AGAP1: variants seen among roughly 807,000 people sequenced by gnomAD.
The protein encoded by AGAP1 is arf-GAP with GTPase, ANK repeat and PH domain-containing protein 1.
In AGAP1, 29 loss-of-function variants were observed where a neutral mutation model predicts 105.3. That is an observed-to-expected ratio of 0.28 (90% CI 0.21 to 0.38). The LOEUF (loss-of-function observed/expected upper bound fraction) is 0.38. Among genes scored for constraint, AGAP1 ranks in the 10% least tolerant of loss-of-function variants. The probability of loss-of-function intolerance (pLI) is 1.00; values close to 1 mark genes in which losing one functional copy is unlikely to be tolerated. For missense variants in AGAP1, 998 were observed against 1,165.1 expected, an observed-to-expected ratio of 0.86 and a Z score of 2.09; for synonymous variants, 509 against 485.9, an observed-to-expected ratio of 1.05 and a Z score of -0.63.
Position 235,887,312 on chromosome 2 carries a change from T to C in AGAP1, c.1155+3863T>C, listed in dbSNP as rs895693020. The stretch of plus-strand genomic sequence containing the variant: ...TGGGTTTCAGAGTCATTATTGTTGC[T>C]CCTAACTCTATTACTGACCACAGCG... On this transcript the variant is annotated intron_variant, in intron 10 of 17. Coordinates refer to ENST00000304032, the MANE Select transcript of AGAP1 (RefSeq NM_001037131.3). This position sits in a 1 kb window ranked among gnomAD's most constrained non-coding sequence, Gnocchi z 4.1. Among the ~76,000 whole-genome samples, 8 of 152,024 alleles carry C rather than the reference T, an allele frequency of 5.3e-5. No homozygotes were observed. The highest frequency in any genetic ancestry group is 1.9e-4 in the African/African-American group (8 of 41,370).
At chr2:235,627,632 C>G (rs1409625923) in intron 1 of AGAP1, among the ~76,000 whole-genome samples, 1 of 152,094 alleles carries the variant, frequency 6.6e-6, no homozygotes, top group Admixed American at 6.5e-5. Flanking sequence ...TGAGGTGAAG[C>G]AGCAGCATCT....
rs142931670 is a variant in AGAP1 at position 235,659,249 on chromosome 2, C to T, written c.164-49930C>T. 1.6e-4 allele frequency among the ~76,000 whole-genome samples: 25 copies of T among 152,304 alleles called. 1 individual carries two copies. Among genetic ancestry groups the T allele is most frequent in the African/African-American group, 5.1e-4 (21 of 41,568 alleles). On this transcript the variant is annotated intron_variant, in intron 1 of 17. Transcript: ENST00000304032. The surrounding 1 kb of genome is among the most constrained non-coding windows in gnomAD (Gnocchi z 5.0). ...AGGGACCTTTTTAACCTGTGACTGA[C>T]TTTTTATGTCTTTCTATGTCTGTAA...
chr2:235,817,890 C>CA (rs1026685746), intron 9 of AGAP1, among the ~76,000 whole-genome samples: 12 of 151,654 alleles, frequency 7.9e-5, no homozygotes, highest in South Asian at 4.2e-4. Context: ...GACTCTGTCT[C>CA]AAAAAAAAGA....
intron 1 of AGAP1, among the ~76,000 whole-genome samples, chr2:235,507,777 A>G (rs766785401): frequency 6.6e-6 from 1 of 152,098 alleles, no homozygotes; most frequent in Non-Finnish European, 1.5e-5. Flanking sequence ...GGACCCGTGG[A>G]CACCAGCCAC....
intron 1 of AGAP1, among the ~76,000 whole-genome samples, chr2:235,511,239 C>A (rs116286271): frequency 6.6e-6 from 1 of 151,550 alleles, no homozygotes; most frequent in Admixed American, 6.6e-5. Context: ...GCCTCTGATC[C>A]ACACTCACCA....
chr2:235,585,061 G>C (rs1399749838), intron 1 of AGAP1, among the ~76,000 whole-genome samples: 1 of 151,974 alleles, frequency 6.6e-6, no homozygotes, highest in African/African-American at 2.4e-5. Flanking sequence ...TGGATATCTT[G>C]TAGCTCTGGC....
chr2:235,975,297 C>T (rs2054812537), intron 13 of AGAP1, among the ~76,000 whole-genome samples: 1 of 152,120 alleles, frequency 6.6e-6, no homozygotes, highest in Non-Finnish European at 1.5e-5. Context: ...TCTTGGAAGG[C>T]ACTTTGGAGA....
At chr2:235,749,208 A>AT (rs368585491) in intron 5 of AGAP1, among the ~76,000 whole-genome samples, 2,025 of 138,742 alleles carry the variant, frequency 0.015, 50 homozygotes, top group African/African-American at 0.05. Flanking sequence ...ACTCCATCTC[A>AT]TTAAAAAAAA....
chr2:236,106,040 C>T (rs920751084), intron 16 of AGAP1, among the ~76,000 whole-genome samples: 3 of 152,216 alleles, frequency 2.0e-5, no homozygotes, highest in Non-Finnish European at 4.4e-5. Context: ...GGAGCACACA[C>T]ACACCAGTGC....
In AGAP1 at chr2:235,555,208, G is replaced by A. The variant is rs566397743; in HGVS notation, c.163+60359G>A. The stretch of plus-strand genomic sequence containing the variant: ...TCTTAAAGGAGCCAGAGGCTTGCCC[G>A]CCCTGCAGTGCCATCCTTCTTGCCG... On this transcript the variant is annotated intron_variant, in intron 1 of 17. Coordinates refer to ENST00000304032, the MANE Select transcript of AGAP1 (RefSeq NM_001037131.3). This position sits in a 1 kb window ranked among gnomAD's most constrained non-coding sequence, Gnocchi z 5.1. Among the ~76,000 whole-genome samples the A allele has an allele frequency of 2.6e-5, 4 of 152,210 alleles. 1 individual carries two copies. The highest frequency in any genetic ancestry group is 3.9e-4 in the East Asian group (2 of 5,164).
rs1951314449 is a variant in AGAP1, at chr2:235,720,275, T to G, written c.310+2631T>G. On this transcript the variant is annotated intron_variant, in intron 3 of 17. Transcript: ENST00000304032. This position sits in a 1 kb window ranked among gnomAD's most constrained non-coding sequence, Gnocchi z 5.0. ...GTTAGTGTTGATCAATTACCCATGC[T>G]TTGCTTAATTGAGAAGCTTTAGGTA... Among the ~76,000 whole-genome samples, 1 of 152,242 alleles carries G rather than the reference T, an allele frequency of 6.6e-6. No individual in the cohort carries two copies. Among genetic ancestry groups the G allele is most frequent in the Non-Finnish European group, 1.5e-5 (1 of 68,046 alleles).
In AGAP1 at chr2:235,737,298, A is replaced by G. The variant is rs1952309931; in HGVS notation, c.311-3665A>G. Among the ~76,000 whole-genome samples, 1 of 152,234 alleles carries G rather than the reference A, an allele frequency of 6.6e-6. No homozygotes were observed. Among genetic ancestry groups the G allele is most frequent in the African/African-American group, 2.4e-5 (1 of 41,464 alleles). ...ATACGAAAAAAAATCATGCAAATCAATTACCAGTATCTGGTGTTTGAAATT... is the reference window on the plus strand; with the variant it reads ...ATACGAAAAAAAATCATGCAAATCAGTTACCAGTATCTGGTGTTTGAAATT... On this transcript the variant is annotated intron_variant, in intron 3 of 17. Transcript: ENST00000304032. This position sits in a 1 kb window ranked among gnomAD's most constrained non-coding sequence, Gnocchi z 4.5.
chr2:235,628,612 C>T (rs550508561), intron 1 of AGAP1, among the ~76,000 whole-genome samples: 1 of 152,044 alleles, frequency 6.6e-6, no homozygotes, highest in East Asian at 1.9e-4. Context: ...AAGGGGGAGC[C>T]ATTGCCCACC....
At position 235,732,716 on chromosome 2, in the gene AGAP1, C is replaced by T. The variant is rs948280650; in HGVS notation, c.311-8247C>T. ...CCCAGACATTGTCTTTCCCTGAGAC[C>T]GATGCTGACCACTGGGAAGACTTCT... On this transcript the variant is annotated intron_variant, in intron 3 of 17. Coordinates refer to ENST00000304032, the MANE Select transcript of AGAP1 (RefSeq NM_001037131.3). This position sits in a 1 kb window ranked among gnomAD's most constrained non-coding sequence, Gnocchi z 4.8. 5.3e-5 allele frequency among the ~76,000 whole-genome samples: 8 copies of T among 152,104 alleles called. No homozygotes were observed. The highest frequency in any genetic ancestry group is 7.4e-5 in the Non-Finnish European group (5 of 68,016).
intron 1 of AGAP1, among the ~76,000 whole-genome samples, chr2:235,595,250 A>G (rs1156800584): frequency 6.6e-6 from 1 of 152,140 alleles, no homozygotes; most frequent in Non-Finnish European, 1.5e-5. Context: ...ATGCCTGGAA[A>G]CAGCTCCTGG....
chr2:236,068,323 G>A (rs2058402941), intron 16 of AGAP1, among the ~76,000 whole-genome samples: 1 of 151,906 alleles, frequency 6.6e-6, no homozygotes, highest in East Asian at 1.9e-4. Context: ...ACATCTGATG[G>A]TAAAAAACAA....
chr2:235,856,985 C>G (rs539144499), intron 9 of AGAP1, among the ~76,000 whole-genome samples: 18 of 152,320 alleles, frequency 1.2e-4, no homozygotes, highest in Non-Finnish European at 1.9e-4. Context: ...CACACACACT[C>G]AGCCACACTG....
At position 235,845,551 on chromosome 2, in the gene AGAP1, A is replaced by C. The variant is rs1961371916; in HGVS notation, c.1051-37794A>C. 2.0e-5 allele frequency among the ~76,000 whole-genome samples: 3 copies of C among 151,934 alleles called. No homozygotes were observed. Among genetic ancestry groups the C allele is most frequent in the Admixed American group, 2.0e-4 (3 of 15,250 alleles). On this transcript the variant is annotated intron_variant, in intron 9 of 17. Transcript: ENST00000304032. This position sits in a 1 kb window ranked among gnomAD's most constrained non-coding sequence, Gnocchi z 4.8. ...TCCACCGACAGCCCAGCCGGTCGAC[A>C]GCAGACCTTTCCTTCCAGTTATTCC...
At chr2:235,806,013 TCTC>T (rs1393299726) in intron 8 of AGAP1, among the ~76,000 whole-genome samples, 2 of 152,316 alleles carry the variant, frequency 1.3e-5, no homozygotes, top group East Asian at 3.9e-4. Flanking sequence ...TGGGAACTGT[TCTC>T]CTTGTCCTCC....
Sources: gnomAD v4.1 joint callset for allele counts (sites outside exome capture counted in the v4.1 genomes callset) on GRCh38, gnomAD v4.1.1 for gene constraint, Gnocchi (gnomAD v3.1) non-coding constraint, MANE v1.5 for transcripts, NCBI Gene and HGNC (gene_info 2026-07-23, HGNC 2026-07-21) for gene names.